The following NUDT3 variants were observed in gnomAD, a reference collection of about 807,000 sequenced individuals.
NUDT3 encodes the protein diphosphoinositol polyphosphate phosphohydrolase 1.
In NUDT3, 9 loss-of-function variants were observed where a neutral mutation model predicts 23.6. The ratio of observed to expected loss-of-function variants is 0.38; its 90% CI spans 0.23 to 0.66. The LOEUF is 0.66. Ranked by LOEUF, NUDT3 falls within the 30% of genes least tolerant of loss-of-function variation. The pLI, the probability that NUDT3 is intolerant of heterozygous loss-of-function variation, is 0.52. For missense variants in NUDT3, 172 were observed against 218.5 expected, an observed-to-expected ratio of 0.79 and a Z score of 1.34; for synonymous variants, 86 against 82.6, an observed-to-expected ratio of 1.04 and a Z score of -0.22.
At chr6:34,351,224 A>AAAAAAAAAAAAAAAAAAC (rs1374203552) in intron 1 of NUDT3, among the ~76,000 whole-genome samples, 1 of 136,346 alleles carries the variant, frequency 7.3e-6, no homozygotes, top group Non-Finnish European at 1.6e-5. Context: ...AAAAAAAAAA[A>AAAAAAAAAAAAAAAAAAC]AACACTTTGG....
intron 2 of NUDT3, among the ~76,000 whole-genome samples, chr6:34,317,327 C>A (rs1212601763): frequency 6.6e-6 from 1 of 152,060 alleles, no homozygotes; most frequent in Non-Finnish European, 1.5e-5. Flanking sequence ...CAACTACCTA[C>A]CTACCCACTA....
intron 1 of NUDT3, among the ~76,000 whole-genome samples, chr6:34,343,464 C>T (rs71567442): frequency 6.6e-6 from 1 of 151,674 alleles, no homozygotes; most frequent in African/African-American, 2.4e-5. Context: ...CTGCTTGAGC[C>T]CAGGAGTTTG....
chr6:34,315,389 C>T (rs1188103984), intron 2 of NUDT3, among the ~76,000 whole-genome samples: 2 of 152,226 alleles, frequency 1.3e-5, no homozygotes, highest in Non-Finnish European at 2.9e-5. Flanking sequence ...ATTCTATTCA[C>T]TCACCAGAGA....
Position 34,323,983 on chromosome 6 carries a change from T to C in NUDT3, c.210+17879A>G, listed in dbSNP as rs550010102. On this transcript the variant is annotated intron_variant, in intron 2 of 4. Coordinates refer to ENST00000607016, the MANE Select transcript of NUDT3 (RefSeq NM_006703.4). The stretch of plus-strand genomic sequence containing the variant: ...AAAAATGGTAAGCTATAGTGGGCAC[T>C]AGCTTAATCAAGTGATCAAACTTGG... Among the ~76,000 whole-genome samples, 6 of 152,314 alleles carry C rather than the reference T, an allele frequency of 3.9e-5. No individual in the cohort carries two copies. The South Asian group carries it at 1.2e-3, about 32-fold the overall frequency.
chr6:34,316,151 A>G (rs1372583050), intron 2 of NUDT3, among the ~76,000 whole-genome samples: 1 of 152,130 alleles, frequency 6.6e-6, no homozygotes, highest in Non-Finnish European at 1.5e-5. Context: ...GGTGTGAGTC[A>G]CCACACCTGG....
intron 2 of NUDT3, among the ~76,000 whole-genome samples, chr6:34,306,158 C>G (rs1763675697): frequency 6.6e-6 from 1 of 152,146 alleles, no homozygotes; most frequent in South Asian, 2.1e-4. Flanking sequence ...TTGAAGTCTT[C>G]AATATGGCTA....
At chr6:34,368,700 G>A (rs1308720337) in intron 1 of NUDT3, among the ~76,000 whole-genome samples, 2 of 151,968 alleles carry the variant, frequency 1.3e-5, no homozygotes, top group Non-Finnish European at 2.9e-5. Context: ...GTGCAGTGGC[G>A]CACTCTCAGT....
chr6:34,317,179 A>G (rs1437614771), intron 2 of NUDT3, among the ~76,000 whole-genome samples: 1 of 152,172 alleles, frequency 6.6e-6, no homozygotes, highest in Non-Finnish European at 1.5e-5. Flanking sequence ...CTGCTGGCGA[A>G]GCAGGTTTGG....
At chr6:34,372,119 A>G (rs1440671001) in intron 1 of NUDT3, among the ~76,000 whole-genome samples, 2 of 152,152 alleles carry the variant, frequency 1.3e-5, no homozygotes, top group Non-Finnish European at 2.9e-5. Flanking sequence ...TCTATGTGCC[A>G]TATTTTCTTA....
chr6:34,327,822 T>A (rs1274706676), intron 2 of NUDT3, among the ~76,000 whole-genome samples: 1 of 152,126 alleles, frequency 6.6e-6, no homozygotes, highest in Non-Finnish European at 1.5e-5. Context: ...GTAACTGGTG[T>A]CTTCCCAGGC....
intron 4 of NUDT3, among the ~76,000 whole-genome samples, chr6:34,290,723 T>C (rs1011635580): frequency 2.7e-5 from 4 of 147,466 alleles, no homozygotes; most frequent in East Asian, 1.9e-4. Flanking sequence ...CATTATGTCA[T>C]AGTATCTAGT....
At chr6:34,354,133 G>A (rs991306939) in intron 1 of NUDT3, among the ~76,000 whole-genome samples, 2 of 151,646 alleles carry the variant, frequency 1.3e-5, no homozygotes, top group Non-Finnish European at 2.9e-5. Context: ...GGCCAGGCTG[G>A]TCTCAAACTC....
chr6:34,332,876 A>C (rs573090100), intron 2 of NUDT3, among the ~76,000 whole-genome samples: 99 of 152,348 alleles, frequency 6.5e-4, no homozygotes, highest in Non-Finnish European at 1.0e-3. Flanking sequence ...ATGGGAATGT[A>C]AGACGAAGAG....
At position 34,281,738 on chromosome 6, in the gene NUDT3, T is replaced by G; in HGVS notation, c.*7015A>C. 1 of 152,114 alleles carries G rather than the reference T, an allele frequency of 6.6e-6. No individual in the cohort carries two copies. The highest frequency in any genetic ancestry group is 1.9e-4 in the East Asian group (1 of 5,196). The allele number at this position is 152,114 out of a possible 1,614,324, so 9.4% of individuals were successfully genotyped here. A position where few individuals can be genotyped will look rare whatever the true frequency, so the allele number is the denominator to read the frequency against. On this transcript the variant is annotated 3_prime_UTR_variant, in exon 5 of 5. Transcript: ENST00000607016. ...CCATTCACAGATGGAAATGAAAGAGTGAGATTCTCAGAGGCTAAACAACAT... is the reference window on the plus strand; with the variant it reads ...CCATTCACAGATGGAAATGAAAGAGGGAGATTCTCAGAGGCTAAACAACAT...
rs1298906173 is a variant in NUDT3, at chr6:34,293,521, C to T, written c.270G>A (p.Lys90=). The T allele has an allele frequency of 1.7e-5, 27 of 1,614,188 alleles. No homozygotes were observed. The highest frequency in any genetic ancestry group is 2.0e-5 in the Non-Finnish European group (24 of 1,180,006). Residue 90 remains lysine, a synonymous_variant, in exon 4 of 5, where the codon AAG becomes AAA. Coordinates refer to ENST00000607016, the MANE Select transcript of NUDT3 (RefSeq NM_006703.4). ...LVGIFENQER[K]HRTYVYVLIV... ...TGAGCACATAGACATACGTCCTGTG[C>T]TTCCTCTCCTGGTTCTGAAGGGCAA...
chr6:34,351,454 TTAG>T (rs1764474958), intron 1 of NUDT3, among the ~76,000 whole-genome samples: 1 of 144,646 alleles, frequency 6.9e-6, no homozygotes, highest in African/African-American at 2.6e-5. Flanking sequence ...AAAAAAAAAA[TTAG>T]AGGGCCAGGC....
rs1763260635 is a variant in NUDT3 at position 34,279,703 on chromosome 6, T to C, written c.*9050A>G. 1 of 152,138 alleles carries C rather than the reference T, an allele frequency of 6.6e-6. No homozygotes were observed. The allele number at this position is 152,138 out of a possible 1,614,324, so 9.4% of individuals were successfully genotyped here. On this transcript the variant is annotated 3_prime_UTR_variant, in exon 5 of 5. Coordinates refer to ENST00000607016, the MANE Select transcript of NUDT3 (RefSeq NM_006703.4). ...ATGTGTGTGAAATACTGGTTTTTAT[T>C]GGTTGGCACAAGATTACAACCTACA...
intron 1 of NUDT3, among the ~76,000 whole-genome samples, chr6:34,383,785 C>T (rs1311093973): frequency 1.3e-5 from 2 of 151,948 alleles, no homozygotes; most frequent in East Asian, 3.8e-4. Flanking sequence ...TGAATTCAGA[C>T]CAGAATTCAC....
At chr6:34,383,478 C>A (rs1404510167) in intron 1 of NUDT3, among the ~76,000 whole-genome samples, 1 of 152,142 alleles carries the variant, frequency 6.6e-6, no homozygotes, top group Non-Finnish European at 1.5e-5. Flanking sequence ...TCCTAGACAT[C>A]CCCAGCTCAA....
Sources: gnomAD v4.1 joint callset for allele counts (sites outside exome capture counted in the v4.1 genomes callset) on GRCh38, gnomAD v4.1.1 for gene constraint, MANE v1.5 for transcripts, NCBI Gene and HGNC (gene_info 2026-07-23, HGNC 2026-07-21) for gene names.